LRP1B: variants seen among roughly 807,000 people sequenced by gnomAD.
LRP1B encodes the protein LDL receptor related protein 1B.
LRP1B carries 217 observed loss-of-function variants against 556.6 expected under a neutral mutation model. The ratio of observed to expected loss-of-function variants is 0.39; its 90% CI spans 0.35 to 0.44. The LOEUF is 0.44. Ranked by LOEUF, LRP1B falls within the 20% of genes least tolerant of loss-of-function variation. LRP1B has a pLI of 1.00. For synonymous variants in LRP1B, 2,047 were observed against 1,865.8 expected (o/e 1.10, Z -2.50); for missense variants, 5,053 against 5,620.8 (o/e 0.90, Z 3.23).
In LRP1B at chr2:142,130,926, G is replaced by A. The variant is rs1310249253; in HGVS notation, c.-197C>T. 8 of 620,250 alleles carry A rather than the reference G, an allele frequency of 1.3e-5. No individual in the cohort carries two copies. The highest frequency in any genetic ancestry group is 2.3e-5 in the Non-Finnish European group (8 of 345,374). 38.4% of individuals were successfully genotyped at this position (620,250 alleles called of 1,614,324 possible). On this transcript the variant is annotated 5_prime_UTR_variant, in exon 1 of 91. Transcript: ENST00000389484. ...CTGGAGCAGGATGTGGAAGGTGGAGGGATGCGCGCGTGCGGGAGAGAGGAG... is the reference window on the plus strand; with the variant it reads ...CTGGAGCAGGATGTGGAAGGTGGAGAGATGCGCGCGTGCGGGAGAGAGGAG...
chr2:140,571,423 A>G (rs1681317813), intron 43 of LRP1B, among the ~76,000 whole-genome samples: 1 of 151,890 alleles, frequency 6.6e-6, no homozygotes, highest in South Asian at 2.1e-4. Context: ...AGTTTTAAGG[A>G]AATACAATGC....
intron 83 of LRP1B, among the ~76,000 whole-genome samples, chr2:140,311,667 CAAAT>C (rs924029621): frequency 3.4e-4 from 51 of 151,846 alleles, no homozygotes; most frequent in African/African-American, 1.2e-3. Context: ...TAAATTTACA[CAAAT>C]AAAAAAAGCC....
chr2:140,655,708 C>T (rs1188613488), intron 41 of LRP1B, among the ~76,000 whole-genome samples: 5 of 152,106 alleles, frequency 3.3e-5, no homozygotes, highest in African/African-American at 1.2e-4. Flanking sequence ...TTTGGGGGGC[C>T]GAGGCGGGTG....
At chr2:141,623,216 C>T (rs1157484872) in intron 2 of LRP1B, among the ~76,000 whole-genome samples, 3 of 152,146 alleles carry the variant, frequency 2.0e-5, no homozygotes, top group African/African-American at 7.2e-5. Context: ...CATGTTAACT[C>T]GCATTGTCCA....
intron 3 of LRP1B, among the ~76,000 whole-genome samples, chr2:141,277,726 C>T (rs1685357584): frequency 6.8e-6 from 1 of 147,922 alleles, no homozygotes. Context: ...GCCTATGACA[C>T]CCAGGGAAAG....
At chr2:141,247,605 C>A (rs1335526615) in intron 4 of LRP1B, among the ~76,000 whole-genome samples, 1 of 152,118 alleles carries the variant, frequency 6.6e-6, no homozygotes, top group African/African-American at 2.4e-5. Context: ...GATAGTCAGG[C>A]TAGAAGTCTT....
Position 141,973,032 on chromosome 2 carries a change from T to C in LRP1B, c.82+157616A>G, listed in dbSNP as rs189683883. Among the ~76,000 whole-genome samples, 455 of 151,790 alleles carry C rather than the reference T, an allele frequency of 3.0e-3. 2 individuals carry two copies. Among genetic ancestry groups the C allele is most frequent in the Non-Finnish European group, 5.4e-3 (369 of 67,720 alleles). ...AAAAATATCTCATTTCAAGTACTTA[T>C]AGTACTTCAGACTTCAAACTGTATT... On this transcript the variant is annotated intron_variant, in intron 1 of 90. Transcript: ENST00000389484.
intron 9 of LRP1B, among the ~76,000 whole-genome samples, chr2:141,056,245 G>A (rs1034515772): frequency 1.3e-5 from 2 of 151,732 alleles, no homozygotes; most frequent in African/African-American, 4.8e-5. Flanking sequence ...TTATACAATA[G>A]ATCGCATCTC....
chr2:140,430,146 T>C (rs79580012), intron 66 of LRP1B, among the ~76,000 whole-genome samples: 6 of 152,168 alleles, frequency 3.9e-5, no homozygotes, highest in African/African-American at 1.4e-4. Context: ...CAGGCCTAAT[T>C]GCCTCTCACC....
chr2:141,521,688 T>A (rs1684534970), intron 2 of LRP1B, among the ~76,000 whole-genome samples: 1 of 151,968 alleles, frequency 6.6e-6, no homozygotes, highest in Admixed American at 6.6e-5. Context: ...TTGTGTCAAA[T>A]CACATATTCA....
At chr2:141,460,378 A>G (rs549151732) in intron 3 of LRP1B, among the ~76,000 whole-genome samples, 2 of 152,280 alleles carry the variant, frequency 1.3e-5, no homozygotes, top group East Asian at 3.9e-4. Flanking sequence ...TTAAAAAATA[A>G]CAAGGCCAAC....
chr2:140,366,165 A>C (rs374425090), intron 71 of LRP1B, among the ~76,000 whole-genome samples: 73 of 151,848 alleles, frequency 4.8e-4, no homozygotes, highest in African/African-American at 1.5e-3. Context: ...ACATATTTCA[A>C]GAGAGGTCAT....
chr2:141,235,497 G>T (rs1301021804), intron 5 of LRP1B, among the ~76,000 whole-genome samples: 1 of 152,084 alleles, frequency 6.6e-6, no homozygotes, highest in Non-Finnish European at 1.5e-5. Flanking sequence ...TTGGTATTCG[G>T]TCTCAGCCTT....
chr2:141,031,933 A>C (rs1485966696), intron 11 of LRP1B, among the ~76,000 whole-genome samples: 2 of 151,962 alleles, frequency 1.3e-5, no homozygotes, highest in Non-Finnish European at 2.9e-5. Flanking sequence ...CAAAAAAAAA[A>C]CTTGTATTTA....
At chr2:140,607,685 G>A (rs868203512) in intron 41 of LRP1B, among the ~76,000 whole-genome samples, 1 of 151,062 alleles carries the variant, frequency 6.6e-6, no homozygotes, top group Middle Eastern at 3.4e-3. Flanking sequence ...ATATATATAT[G>A]TATACATATA....
chr2:141,006,507 C>T (rs1697579699), intron 14 of LRP1B, among the ~76,000 whole-genome samples: 1 of 151,944 alleles, frequency 6.6e-6, no homozygotes, highest in African/African-American at 2.4e-5. Flanking sequence ...TTTACACTTG[C>T]GCATCACTTA....
chr2:141,895,696 A>G (rs556749212), intron 1 of LRP1B, among the ~76,000 whole-genome samples: 1 of 152,340 alleles, frequency 6.6e-6, no homozygotes. Context: ...TTTACAAACA[A>G]TGATTTATGC....
rs141422103 is a variant in LRP1B, at chr2:141,651,651, G to C, written c.205+158628C>G. The stretch of plus-strand genomic sequence containing the variant: ...TTGCACTCCAGCCTGGGTGACAGAG[G>C]GAGATTCTGTCATTAAAAAATAATA... On this transcript the variant is annotated intron_variant, in intron 2 of 90. Coordinates refer to ENST00000389484, the MANE Select transcript of LRP1B (RefSeq NM_018557.3). Among the ~76,000 whole-genome samples the C allele has an allele frequency of 3.0e-3, 453 of 152,206 alleles. 2 individuals carry two copies. Among genetic ancestry groups the C allele is most frequent in the African/African-American group, 0.01 (436 of 41,536 alleles).
intron 84 of LRP1B, among the ~76,000 whole-genome samples, chr2:140,291,318 A>ATATATTT (rs369391920): frequency 2.3e-4 from 25 of 109,320 alleles, no homozygotes; most frequent in African/African-American, 7.4e-4. Context: ...ATATATATAT[A>ATATATTT]TTTTTATTAT....
Sources: allele counts gnomAD v4.1 joint callset (sites outside exome capture counted in the v4.1 genomes callset), GRCh38; gene constraint gnomAD v4.1.1; transcripts MANE v1.5; gene names NCBI Gene and HGNC (gene_info 2026-07-23, HGNC 2026-07-21).